Variants in SEH1L observed in about 807,000 individuals in gnomAD.
SEH1L encodes nucleoporin SEH1.
In SEH1L, 18 loss-of-function variants were observed where a neutral mutation model predicts 49.5. The observed-to-expected ratio is 0.36, with a 90% CI of 0.25 to 0.54. SEH1L has a LOEUF of 0.54. Among genes scored for constraint, SEH1L ranks in the 20% least tolerant of loss-of-function variants. The pLI, the probability that SEH1L is intolerant of heterozygous loss-of-function variation, is 0.87. For synonymous variants in SEH1L, 169 were observed against 178.1 expected (o/e 0.95, Z 0.41); for missense variants, 404 against 528.8 (o/e 0.76, Z 2.31).
chr18:12,965,359 T>C (rs540688111), intron 4 of SEH1L, among the ~76,000 whole-genome samples: 1 of 152,234 alleles, frequency 6.6e-6, no homozygotes, highest in African/African-American at 2.4e-5. Context: ...ATTTATAATA[T>C]TTACATTCTG....
chr18:12,951,627 G>C (rs2030534566), intron 1 of SEH1L, among the ~76,000 whole-genome samples: 1 of 152,216 alleles, frequency 6.6e-6, no homozygotes, highest in East Asian at 1.9e-4. Flanking sequence ...CTGACCTCAG[G>C]TGATCCGTTT....
chr18:12,961,832 A>G (rs2031191635), intron 3 of SEH1L, among the ~76,000 whole-genome samples: 1 of 152,028 alleles, frequency 6.6e-6, no homozygotes, highest in Non-Finnish European at 1.5e-5. Context: ...ATGTCTGGCT[A>G]ATTTGAATAT....
intron 4 of SEH1L, among the ~76,000 whole-genome samples, chr18:12,964,128 C>T (rs1166359211): frequency 1.3e-5 from 2 of 152,154 alleles, no homozygotes; most frequent in African/African-American, 4.8e-5. Flanking sequence ...TTAACTGCTG[C>T]ATAGAGCATG....
intron 4 of SEH1L, among the ~76,000 whole-genome samples, chr18:12,969,287 G>T (rs1380731771): frequency 2.1e-5 from 3 of 143,308 alleles, no homozygotes; most frequent in Non-Finnish European, 4.5e-5. Context: ...TTTTTAGCTG[G>T]GTGTGGTGGT....
At chr18:12,969,620 G>A (rs1368469113) in intron 4 of SEH1L, among the ~76,000 whole-genome samples, 3 of 151,952 alleles carry the variant, frequency 2.0e-5, no homozygotes, top group African/African-American at 4.8e-5. Context: ...TCCAGGAGAT[G>A]GAGGTTGCAG....
In SEH1L at chr18:12,955,517, G is replaced by A. The variant is rs748143508; in HGVS notation, c.217G>A (p.Val73Ile). ...VTWAHPEFGQ[V>I]LASCSFDRTA... ...ATGGGCCCATCCTGAATTTGGGCAG[G>A]TTTTGGCTTCCTGTTCTTTTGACCG... is the stretch of plus-strand genomic sequence containing the variant. Residue 73 changes from valine to isoleucine, a missense_variant, in exon 3 of 9, where the codon GTT becomes ATT. Physicochemically the swap from Val to Ile is conservative, Grantham distance 29. Coordinates refer to ENST00000399892, the MANE Select transcript of SEH1L (RefSeq NM_001013437.2). The A allele has an allele frequency of 3.1e-6, 5 of 1,611,216 alleles. No individual in the cohort carries two copies. The African/African-American group carries it at 5.4e-5, about 17-fold the overall frequency.
At chr18:12,984,841 A>C (rs1200865612) in intron 8 of SEH1L, 2 of 158,700 alleles carry the variant, frequency 1.3e-5, no homozygotes, top group African/African-American at 4.8e-5. Flanking sequence ...TTGGAATAGA[A>C]TTCAGGAAAC....
At chr18:12,971,363 T>G in intron 5 of SEH1L, 112 bp downstream of exon 5, 3 of 735,992 alleles carry the variant, frequency 4.1e-6, no homozygotes, top group Non-Finnish European at 6.8e-6. Flanking sequence ...GTTTGCTGAT[T>G]TACTATAATA....
At chr18:12,980,085 ACC>A (rs367997247) in intron 6 of SEH1L, among the ~76,000 whole-genome samples, 1,762 of 48,496 alleles carry the variant, frequency 0.036, no homozygotes, top group Admixed American at 0.042. Context: ...CGGGGGGCTG[ACC>A]CCCCCCCACC....
At chr18:12,952,416 A>G (rs1324331271) in intron 2 of SEH1L, among the ~76,000 whole-genome samples, 1 of 152,068 alleles carries the variant, frequency 6.6e-6, no homozygotes, top group Non-Finnish European at 1.5e-5. Flanking sequence ...TGTTTTTAGC[A>G]GAGATGGGGT....
At chr18:12,985,460 A>C in intron 8 of SEH1L, 1 of 1,278,940 alleles carries the variant, frequency 7.8e-7, no homozygotes, top group Non-Finnish European at 9.9e-7. Flanking sequence ...CACTATTTGA[A>C]ACTTTTGAAA....
chr18:12,976,207 G>A (rs1269654816), intron 5 of SEH1L: 1 of 152,184 alleles, frequency 6.6e-6, no homozygotes, highest in African/African-American at 2.4e-5. Flanking sequence ...TTCCTGCCAC[G>A]AGACCCTCCC....
At chr18:12,971,060 A>G (rs574054609) in intron 4 of SEH1L, 93 bp from the exon 5 acceptor site, 3 of 836,568 alleles carry the variant, frequency 3.6e-6, no homozygotes, top group African/African-American at 3.3e-5. Flanking sequence ...GCTAACTGTA[A>G]GCTGGTTGTC....
intron 5 of SEH1L, chr18:12,974,074 A>C (rs8090667): frequency 0.39 from 59,253 of 152,070 alleles, 11,822 homozygotes; most frequent in Middle Eastern, 0.48. Context: ...AACGAGGGGA[A>C]GTGGTGTTGG....
At chr18:12,967,859 A>G (rs896907374) in intron 4 of SEH1L, among the ~76,000 whole-genome samples, 11 of 152,060 alleles carry the variant, frequency 7.2e-5, no homozygotes, top group Admixed American at 3.9e-4. Context: ...GGTTGCAGTG[A>G]GCCAAGATGA....
At chr18:12,986,232 C>T (rs983188104) in intron 8 of SEH1L, 9 of 984,896 alleles carry the variant, frequency 9.1e-6, no homozygotes, top group African/African-American at 8.7e-5. Flanking sequence ...TGCTAATATG[C>T]GTAAGTATTA....
Position 12,965,170 on chromosome 18 carries a change from G to A in SEH1L, c.521+1799G>A, listed in dbSNP as rs189123137. On this transcript the variant is annotated intron_variant, in intron 4 of 8. Coordinates refer to ENST00000399892, the MANE Select transcript of SEH1L (RefSeq NM_001013437.2). ...TGGGACTACAGGTGCCTGCCACCAC[G>A]CCTGGCTAATTTTTTGTATTTTTAG... Among the ~76,000 whole-genome samples, 1,053 of 151,634 alleles carry A rather than the reference G, an allele frequency of 6.9e-3. 15 individuals carry two copies. The highest frequency in any genetic ancestry group is 0.05 in the East Asian group (258 of 5,142).
At position 12,955,616 on chromosome 18, in the gene SEH1L, C is replaced by T. The variant is rs1780108542; in HGVS notation, c.309+7C>T. Reference sequence around the variant, plus strand: ...GCGAGGACAGAGCCACTGGGTGAGACATTTATTAGTATTCTGGGGACCGGG... The same window carrying T: ...GCGAGGACAGAGCCACTGGGTGAGATATTTATTAGTATTCTGGGGACCGGG... On this transcript the variant is annotated splice_region_variant and intron_variant, in intron 3 of 8. Transcript: ENST00000399892. 1.9e-6 allele frequency: 3 copies of T among 1,613,510 alleles called. No individual in the cohort carries two copies. Among genetic ancestry groups the T allele is most frequent in the African/African-American group, 1.3e-5 (1 of 74,860 alleles).
intron 6 of SEH1L, among the ~76,000 whole-genome samples, chr18:12,980,632 T>C (rs2032186871): frequency 8.4e-6 from 1 of 119,016 alleles, no homozygotes; most frequent in Non-Finnish European, 1.8e-5. Flanking sequence ...CTCTTCCCAG[T>C]AGGGGCGGCC....
Sources: gnomAD v4.1 joint callset for allele counts (sites outside exome capture counted in the v4.1 genomes callset) on GRCh38, gnomAD v4.1.1 for gene constraint, MANE v1.5 for transcripts, NCBI Gene and HGNC (gene_info 2026-07-23, HGNC 2026-07-21) for gene names.